SNX18: variants seen among roughly 807,000 people sequenced by gnomAD.
SNX18 encodes sorting nexin-18.
In SNX18, 35 loss-of-function variants were observed where a neutral mutation model predicts 48.7. The ratio of observed to expected loss-of-function variants is 0.72; its 90% CI spans 0.55 to 0.95. The LOEUF is 0.95. Among genes scored for constraint, SNX18 ranks in the 40% least tolerant of loss-of-function variants. The pLI, the probability that SNX18 is intolerant of heterozygous loss-of-function variation, is 0.00. For missense variants in SNX18, 824 were observed against 871.0 expected, an observed-to-expected ratio of 0.95 and a Z score of 0.68; for synonymous variants, 492 against 384.7, an observed-to-expected ratio of 1.28 and a Z score of -3.26.
the SNX18 span, among the ~76,000 whole-genome samples, chr5:54,609,205 C>T: frequency 6.6e-6 from 1 of 152,168 alleles, no homozygotes; most frequent in Admixed American, 6.5e-5. Flanking sequence ...TAAAATGCAG[C>T]TAGTGCCACC....
At chr5:54,587,982 G>A in the SNX18 span, among the ~76,000 whole-genome samples, 1 of 152,166 alleles carries the variant, frequency 6.6e-6, no homozygotes, top group Non-Finnish European at 1.5e-5. Flanking sequence ...AGAGGAAGGT[G>A]TACACCCCTT....
intron 1 of SNX18, among the ~76,000 whole-genome samples, chr5:54,535,806 G>C (rs867388003): frequency 4.6e-5 from 7 of 152,318 alleles, no homozygotes; most frequent in Middle Eastern, 3.4e-3. Context: ...TTGAGAGCCA[G>C]CTCTGCCCTT....
the SNX18 span, among the ~76,000 whole-genome samples, chr5:54,635,881 T>C: frequency 6.6e-6 from 1 of 152,238 alleles, no homozygotes; most frequent in Admixed American, 6.5e-5. Flanking sequence ...TATTCAGTCC[T>C]GATGACCACA....
At chr5:54,646,171 T>C in the SNX18 span, among the ~76,000 whole-genome samples, 1 of 152,330 alleles carries the variant, frequency 6.6e-6, no homozygotes, top group Non-Finnish European at 1.5e-5. Context: ...AAGACTTTTT[T>C]TCTCCTACTT....
downstream of SNX18, among the ~76,000 whole-genome samples, chr5:54,547,654 T>TA (rs1762595954): frequency 6.6e-6 from 1 of 152,328 alleles, no homozygotes; most frequent in Non-Finnish European, 1.5e-5. Flanking sequence ...ACTGCAGTCT[T>TA]ACGTAGACTG....
At chr5:54,522,773 C>CT (rs1762055330) in intron 1 of SNX18, among the ~76,000 whole-genome samples, 1 of 152,168 alleles carries the variant, frequency 6.6e-6, no homozygotes, top group Non-Finnish European at 1.5e-5. Flanking sequence ...CTCAAATACT[C>CT]TTAAATGTTG....
intron 1 of SNX18, among the ~76,000 whole-genome samples, chr5:54,523,706 C>T (rs1206328731): frequency 6.6e-6 from 1 of 152,210 alleles, no homozygotes; most frequent in Non-Finnish European, 1.5e-5. Context: ...CCCAGGACCT[C>T]AGGAATGGTA....
At chr5:54,613,170 C>T in the SNX18 span, among the ~76,000 whole-genome samples, 2 of 152,292 alleles carry the variant, frequency 1.3e-5, no homozygotes, top group South Asian at 4.1e-4. Context: ...ACTGGGCTGA[C>T]GGCAACTTGG....
the SNX18 span, among the ~76,000 whole-genome samples, chr5:54,614,992 C>T: frequency 6.6e-6 from 1 of 152,130 alleles, no homozygotes; most frequent in African/African-American, 2.4e-5. Context: ...GATTAAGAAA[C>T]TTGTCCAACT....
chr5:54,605,270 T>G, the SNX18 span, among the ~76,000 whole-genome samples: 1 of 152,292 alleles, frequency 6.6e-6, no homozygotes, highest in East Asian at 1.9e-4. Flanking sequence ...ACATTTTACC[T>G]GGGACTTAAG....
At position 54,538,501 on chromosome 5, in the gene SNX18, G is replaced by A. The variant is rs116176311; in HGVS notation, c.1622-4678G>A. ...AATTGACTTCCATAATTAGCTTACC[G>A]TTTTCATAGGGAGGAAAGCACTGAT... On this transcript the variant is annotated intron_variant, in intron 1 of 1. Coordinates refer to ENST00000381410, the MANE Select transcript of SNX18 (RefSeq NM_001102575.2). Among the ~76,000 whole-genome samples, 788 of 152,114 alleles carry A rather than the reference G, an allele frequency of 5.2e-3. 7 individuals carry two copies. Among genetic ancestry groups the A allele is most frequent in the African/African-American group, 0.017 (715 of 41,492 alleles).
chr5:54,614,674 C>T, the SNX18 span, among the ~76,000 whole-genome samples: 1 of 151,908 alleles, frequency 6.6e-6, no homozygotes, highest in African/African-American at 2.4e-5. Flanking sequence ...ATTAGCCAGT[C>T]GTGGTGGTGT....
At chr5:54,624,180 A>C in the SNX18 span, among the ~76,000 whole-genome samples, 1 of 152,216 alleles carries the variant, frequency 6.6e-6, no homozygotes, top group South Asian at 2.1e-4. Flanking sequence ...TGCATACTAT[A>C]TAGTATCAAT....
the SNX18 span, among the ~76,000 whole-genome samples, chr5:54,570,896 T>C: frequency 6.6e-6 from 1 of 152,220 alleles, no homozygotes; most frequent in Admixed American, 6.5e-5. Context: ...AAAGTGATTA[T>C]AGTACAAAAA....
At chr5:54,565,745 G>C in the SNX18 span, among the ~76,000 whole-genome samples, 1 of 152,194 alleles carries the variant, frequency 6.6e-6, no homozygotes, top group African/African-American at 2.4e-5. Context: ...ACTTGAATTT[G>C]TCAGCAGTGG....
chr5:54,558,283 A>G, the SNX18 span, among the ~76,000 whole-genome samples: 12 of 152,220 alleles, frequency 7.9e-5, no homozygotes, highest in Non-Finnish European at 1.2e-4. Context: ...CTTAGCTAGA[A>G]TATAAAATTC....
chr5:54,638,154 G>A, the SNX18 span, among the ~76,000 whole-genome samples: 1 of 152,134 alleles, frequency 6.6e-6, no homozygotes, highest in African/African-American at 2.4e-5. Flanking sequence ...CTTTAACAAT[G>A]GCTGCTGCAT....
At chr5:54,582,189 T>C in the SNX18 span, among the ~76,000 whole-genome samples, 2 of 152,194 alleles carry the variant, frequency 1.3e-5, no homozygotes, top group Non-Finnish European at 1.5e-5. Context: ...TTGTTAGAAA[T>C]TAAGAGAGAA....
chr5:54,557,078 G>A, the SNX18 span, among the ~76,000 whole-genome samples: 1 of 152,186 alleles, frequency 6.6e-6, no homozygotes, highest in Non-Finnish European at 1.5e-5. Flanking sequence ...CAAAGATACA[G>A]CACAGAATCA....
Sources: gnomAD v4.1 joint callset for allele counts (sites outside exome capture counted in the v4.1 genomes callset) on GRCh38, gnomAD v4.1.1 for gene constraint, MANE v1.5 for transcripts, NCBI Gene and HGNC (gene_info 2026-07-23, HGNC 2026-07-21) for gene names.